Variants in CCSER1 observed in about 807,000 individuals in gnomAD.
The protein encoded by CCSER1 is coiled-coil serine rich protein 1, also known as serine-rich coiled-coil domain-containing protein 1.
In CCSER1, 41 loss-of-function variants were observed where a neutral mutation model predicts 82.0. The ratio of observed to expected loss-of-function variants is 0.50; its 90% confidence interval spans 0.39 to 0.65. CCSER1 has a LOEUF of 0.65. CCSER1 is among the 30% of genes least tolerant of loss of function. CCSER1 has a pLI of 0.00. For missense variants in CCSER1, 1,119 were observed against 1,064.2 expected (o/e 1.05, Z -0.72); for synonymous variants, 414 against 383.9 (o/e 1.08, Z -0.92).
At chr4:91,500,444 T>A (rs897923533) in intron 10 of CCSER1, among the ~76,000 whole-genome samples, 1 of 152,080 alleles carries the variant, frequency 6.6e-6, no homozygotes, top group African/African-American at 2.4e-5. Flanking sequence ...TGTTGTGAAG[T>A]CTTAAGCTAT....
At chr4:90,363,855 A>G (rs1016760920) in intron 3 of CCSER1, among the ~76,000 whole-genome samples, 3 of 152,078 alleles carry the variant, frequency 2.0e-5, no homozygotes, top group Non-Finnish European at 2.9e-5. Flanking sequence ...AAATTTTCCT[A>G]TAGATACATG....
intron 10 of CCSER1, among the ~76,000 whole-genome samples, chr4:91,501,238 C>A (rs900814408): frequency 7.2e-5 from 11 of 151,738 alleles, no homozygotes; most frequent in African/African-American, 2.7e-4. Flanking sequence ...TCTAGAATTT[C>A]TTTTTATTTA....
intron 1 of CCSER1, among the ~76,000 whole-genome samples, chr4:90,161,813 G>A (rs1440821340): frequency 6.6e-6 from 1 of 151,950 alleles, no homozygotes; most frequent in Non-Finnish European, 1.5e-5. Flanking sequence ...TTTCAGTTTA[G>A]AAAGTGCAAT....
At chr4:91,423,999 A>ATTTTTTT (rs1753824328) in intron 10 of CCSER1, among the ~76,000 whole-genome samples, 1 of 89,632 alleles carries the variant, frequency 1.1e-5, no homozygotes, top group African/African-American at 4.5e-5. Context: ...AACTCAGCAG[A>ATTTTTTT]TCTTTTTTTT....
chr4:90,975,887 A>G (rs1192930249), intron 9 of CCSER1, among the ~76,000 whole-genome samples: 2 of 151,248 alleles, frequency 1.3e-5, no homozygotes, highest in Non-Finnish European at 3.0e-5. Context: ...GATGTTATTT[A>G]TTGTTATTAT....
chr4:90,325,367 G>A (rs567447007), intron 3 of CCSER1, among the ~76,000 whole-genome samples: 2 of 152,180 alleles, frequency 1.3e-5, no homozygotes, highest in Non-Finnish European at 2.9e-5. Flanking sequence ...GTAACCCTAC[G>A]AATCTAGGAT....
At chr4:90,567,367 T>C (rs1360051527) in intron 5 of CCSER1, among the ~76,000 whole-genome samples, 1 of 151,514 alleles carries the variant, frequency 6.6e-6, no homozygotes, top group Admixed American at 6.6e-5. Flanking sequence ...CTCGGCTCAC[T>C]GCAACCTCCG....
chr4:91,547,587 TTA>T (rs770214034), intron 10 of CCSER1, among the ~76,000 whole-genome samples: 3 of 152,204 alleles, frequency 2.0e-5, no homozygotes, highest in African/African-American at 4.8e-5. Flanking sequence ...AAATGGGTTC[TTA>T]CAGACAACAT....
intron 1 of CCSER1, among the ~76,000 whole-genome samples, chr4:90,280,676 A>G (rs1405243404): frequency 2.0e-5 from 3 of 152,046 alleles, no homozygotes; most frequent in Non-Finnish European, 4.4e-5. Flanking sequence ...ATACATGCAT[A>G]TAAATTCTCC....
intron 8 of CCSER1, among the ~76,000 whole-genome samples, chr4:90,845,807 G>GGA (rs1175938902): frequency 2.8e-5 from 4 of 141,486 alleles, no homozygotes; most frequent in African/African-American, 7.8e-5. Flanking sequence ...TTTCAACTGT[G>GGA]AAAAAAAAAA....
intron 9 of CCSER1, among the ~76,000 whole-genome samples, chr4:91,076,315 A>G (rs1261551168): frequency 1.5e-5 from 2 of 134,956 alleles, no homozygotes; most frequent in Non-Finnish European, 3.1e-5. Flanking sequence ...CTTTCATTCC[A>G]TATTCCAACC....
chr4:91,235,320 A>AGTATCCTTTCTTCAACT (rs1738918954), intron 10 of CCSER1, among the ~76,000 whole-genome samples: 1 of 152,140 alleles, frequency 6.6e-6, no homozygotes, highest in African/African-American at 2.4e-5. Flanking sequence ...TGGCAAACCA[A>AGTATCCTTTCTTCAACT]GTATCCTTTC....
At chr4:91,382,680 T>G (rs1042306869) in intron 10 of CCSER1, among the ~76,000 whole-genome samples, 1 of 152,148 alleles carries the variant, frequency 6.6e-6, no homozygotes, top group African/African-American at 2.4e-5. Context: ...CTCACCCTCC[T>G]TTGGCTCACA....
intron 10 of CCSER1, among the ~76,000 whole-genome samples, chr4:91,101,941 A>G (rs879489170): frequency 6.6e-6 from 1 of 152,210 alleles, no homozygotes; most frequent in Non-Finnish European, 1.5e-5. Context: ...CATTCCTAAG[A>G]GGCAGAAACT....
chr4:90,314,801 T>G (rs1160332444), intron 3 of CCSER1, among the ~76,000 whole-genome samples: 1 of 150,234 alleles, frequency 6.7e-6, no homozygotes, highest in Non-Finnish European at 1.5e-5. Context: ...AAAAAGTGCT[T>G]CTTATAATAT....
intron 1 of CCSER1, among the ~76,000 whole-genome samples, chr4:90,181,604 C>T (rs552356379): frequency 1.8e-4 from 27 of 152,112 alleles, no homozygotes; most frequent in African/African-American, 6.0e-4. Flanking sequence ...TTGCAGGGGT[C>T]GTTAATATGC....
chr4:91,423,633 CACTT>C (rs768407666), intron 10 of CCSER1, among the ~76,000 whole-genome samples: 8 of 152,206 alleles, frequency 5.3e-5, no homozygotes, highest in Non-Finnish European at 1.2e-4. Context: ...ACAAATAAGA[CACTT>C]AGCCTCTAGA....
chr4:91,290,434 G>C (rs974524388), intron 10 of CCSER1, among the ~76,000 whole-genome samples: 1 of 151,894 alleles, frequency 6.6e-6, no homozygotes, highest in African/African-American at 2.4e-5. Flanking sequence ...CTCTACAGTA[G>C]CTGTCTTGCA....
intron 5 of CCSER1, among the ~76,000 whole-genome samples, chr4:90,568,451 G>A (rs1470686339): frequency 6.6e-6 from 1 of 152,038 alleles, no homozygotes; most frequent in Non-Finnish European, 1.5e-5. Flanking sequence ...GACACATTGT[G>A]TATTTTATCT....
Sources: gnomAD v4.1 joint callset for allele counts (sites outside exome capture counted in the v4.1 genomes callset) on GRCh38, gnomAD v4.1.1 for gene constraint, MANE v1.5 for transcripts, NCBI Gene and HGNC (gene_info 2026-07-23, HGNC 2026-07-21) for gene names.